The following CCDC60 variants were observed in gnomAD, a reference collection of about 807,000 sequenced individuals.
The protein encoded by CCDC60 is coiled-coil domain containing 60, also known as coiled-coil domain-containing protein 60.
Under a neutral mutation model 63.5 loss-of-function variants are expected in CCDC60, and 54 were observed. The observed-to-expected ratio is 0.85, with a 90% CI of 0.68 to 1.07. The LOEUF (loss-of-function observed/expected upper bound fraction) is 1.07. Ranked by LOEUF, CCDC60 falls within the 50% of genes least tolerant of loss-of-function variation. The probability of loss-of-function intolerance (pLI) is 0.00; values close to 1 mark genes in which losing one functional copy is unlikely to be tolerated. For synonymous variants in CCDC60, 206 were observed against 238.8 expected, an observed-to-expected ratio of 0.86 and a Z score of 1.27; for missense variants, 651 against 684.3, an observed-to-expected ratio of 0.95 and a Z score of 0.54.
intron 1 of CCDC60, among the ~76,000 whole-genome samples, chr12:119,422,467 A>C (rs1956830283): frequency 6.6e-6 from 1 of 152,226 alleles, no homozygotes; most frequent in Admixed American, 6.5e-5. Flanking sequence ...GGTCCTGGGG[A>C]GGCCTCAGGG....
chr12:119,495,878 T>C (rs2136398329), intron 5 of CCDC60, among the ~76,000 whole-genome samples: 1 of 152,282 alleles, frequency 6.6e-6, no homozygotes. Flanking sequence ...CAATGTGTCA[T>C]GAAGAAATTG....
At chr12:119,535,539 T>C (rs1952976609) in intron 13 of CCDC60, among the ~76,000 whole-genome samples, 1 of 152,216 alleles carries the variant, frequency 6.6e-6, no homozygotes, top group Admixed American at 6.5e-5. Context: ...TTGCCTTCTC[T>C]TGTGGGCATT....
chr12:119,387,536 A>C (rs966206560), intron 1 of CCDC60, among the ~76,000 whole-genome samples: 2 of 152,216 alleles, frequency 1.3e-5, no homozygotes, highest in Non-Finnish European at 2.9e-5. Flanking sequence ...TCCCAGCTCC[A>C]GAGGTAAATG....
At chr12:119,450,725 G>T (rs990988807) in intron 2 of CCDC60, among the ~76,000 whole-genome samples, 1 of 152,146 alleles carries the variant, frequency 6.6e-6, no homozygotes, top group Admixed American at 6.5e-5. Flanking sequence ...GGCTTTGGTG[G>T]TGCGTGCCTG....
intron 1 of CCDC60, among the ~76,000 whole-genome samples, chr12:119,404,446 C>T (rs747462153): frequency 6.6e-6 from 1 of 152,178 alleles, no homozygotes; most frequent in Non-Finnish European, 1.5e-5. Flanking sequence ...CCCCCCACCA[C>T]CCTGCCATCA....
At chr12:119,534,975 T>A (rs1413222907) in intron 13 of CCDC60, among the ~76,000 whole-genome samples, 1 of 152,230 alleles carries the variant, frequency 6.6e-6, no homozygotes, top group Non-Finnish European at 1.5e-5. Context: ...TTGACTGGAA[T>A]AGTTTCAGAA....
At chr12:119,455,943 G>C in intron 2 of CCDC60, among the ~76,000 whole-genome samples, 1 of 91,346 alleles carries the variant, frequency 1.1e-5, no homozygotes, top group Admixed American at 1.2e-4. Flanking sequence ...GAGAAAGAGA[G>C]AGAAAGGAAG....
chr12:119,539,554 C>T (rs565673124), intron 13 of CCDC60, among the ~76,000 whole-genome samples: 5 of 152,344 alleles, frequency 3.3e-5, no homozygotes, highest in Admixed American at 1.3e-4. Context: ...CAACAACCCA[C>T]GTCGACTTCA....
chr12:119,436,302 T>C (rs1025779653), intron 2 of CCDC60, among the ~76,000 whole-genome samples: 3 of 152,006 alleles, frequency 2.0e-5, no homozygotes, highest in African/African-American at 7.3e-5. Context: ...CTCTTGGGAA[T>C]GTAAAGTGGA....
intron 5 of CCDC60, among the ~76,000 whole-genome samples, chr12:119,493,409 G>T (rs888067181): frequency 6.6e-6 from 1 of 152,100 alleles, no homozygotes; most frequent in Non-Finnish European, 1.5e-5. Flanking sequence ...GCAAGCAGAA[G>T]AACAATCTTT....
intron 4 of CCDC60, among the ~76,000 whole-genome samples, chr12:119,483,474 C>T (rs140110003): frequency 2.0e-3 from 302 of 152,334 alleles, no homozygotes; most frequent in African/African-American, 7.0e-3. Flanking sequence ...AGCAGCCCCT[C>T]GTTTTTCCCT....
intron 1 of CCDC60, among the ~76,000 whole-genome samples, chr12:119,380,181 T>C (rs1955993853): frequency 6.6e-6 from 1 of 152,210 alleles, no homozygotes; most frequent in African/African-American, 2.4e-5. Flanking sequence ...TTGGAAGCAG[T>C]TTTGTTTTAC....
At chr12:119,529,088 T>C (rs1407180288) in intron 12 of CCDC60, among the ~76,000 whole-genome samples, 1 of 152,080 alleles carries the variant, frequency 6.6e-6, no homozygotes, top group African/African-American at 2.4e-5. Flanking sequence ...GATTCTGAGG[T>C]CTATGGGGGT....
At chr12:119,446,796 C>T (rs1222255247) in intron 2 of CCDC60, among the ~76,000 whole-genome samples, 1 of 151,602 alleles carries the variant, frequency 6.6e-6, no homozygotes, top group Non-Finnish European at 1.5e-5. Context: ...TTAATTTGTA[C>T]CCTTTGGATA....
At chr12:119,370,733 G>C (rs916596326) in intron 1 of CCDC60, among the ~76,000 whole-genome samples, 9 of 152,110 alleles carry the variant, frequency 5.9e-5, no homozygotes, top group Admixed American at 6.5e-5. Flanking sequence ...TCAACAGTTT[G>C]GTTTAGAATA....
chr12:119,388,782 G>A (rs2136193172), intron 1 of CCDC60, among the ~76,000 whole-genome samples: 1 of 152,268 alleles, frequency 6.6e-6, no homozygotes, highest in South Asian at 2.1e-4. Context: ...AGTTTGGGGA[G>A]CAGAAGAAAA....
At chr12:119,429,100 G>A (rs1244620281) in intron 2 of CCDC60, among the ~76,000 whole-genome samples, 1 of 152,200 alleles carries the variant, frequency 6.6e-6, no homozygotes, top group Admixed American at 6.5e-5. Flanking sequence ...TGGAGTCAGA[G>A]TCGTTCTCAA....
chr12:119,462,614 G>A (rs1950876144), intron 2 of CCDC60, among the ~76,000 whole-genome samples: 1 of 152,076 alleles, frequency 6.6e-6, no homozygotes, highest in East Asian at 1.9e-4. Flanking sequence ...TGACCGAGAT[G>A]CAGAGGTAAA....
intron 1 of CCDC60, among the ~76,000 whole-genome samples, chr12:119,342,567 A>G (rs1955543738): frequency 6.6e-6 from 1 of 152,228 alleles, no homozygotes; most frequent in Non-Finnish European, 1.5e-5. Context: ...CCCCTACCCT[A>G]CACAACAACT....
Sources: allele counts gnomAD v4.1 joint callset (sites outside exome capture counted in the v4.1 genomes callset), GRCh38; gene constraint gnomAD v4.1.1; transcripts MANE v1.5; gene names NCBI Gene and HGNC (gene_info 2026-07-23, HGNC 2026-07-21).